The following NRG2 variants were observed in gnomAD, a reference collection of about 807,000 sequenced individuals.
NRG2 encodes the protein neuregulin 2.
Under a neutral mutation model 73.9 loss-of-function variants are expected in NRG2, and 27 were observed. That is an observed-to-expected ratio of 0.37 (90% CI 0.27 to 0.50). NRG2 has a LOEUF of 0.50. Among genes scored for constraint, NRG2 ranks in the 20% least tolerant of loss-of-function variants. The pLI, the probability that NRG2 is intolerant of heterozygous loss-of-function variation, is 0.96. For synonymous variants in NRG2, 532 were observed against 541.0 expected (o/e 0.98, Z 0.23); for missense variants, 1,126 against 1,210.1 (o/e 0.93, Z 1.03).
intron 1 of NRG2, among the ~76,000 whole-genome samples, chr5:139,937,359 T>A (rs1752924788): frequency 6.6e-6 from 1 of 152,198 alleles, no homozygotes; most frequent in Non-Finnish European, 1.5e-5. Context: ...TACAGCTATA[T>A]CATACTTAAC....
Position 139,851,858 on chromosome 5 carries a change from A to T in NRG2, c.1545-27T>A, listed in dbSNP as rs200989233. 2.5e-6 allele frequency: 4 copies of T among 1,608,916 alleles called. No individual in the cohort carries two copies. Among genetic ancestry groups the T allele is most frequent in the Admixed American group, 1.7e-5 (1 of 59,644 alleles). On this transcript the variant is annotated intron_variant, in intron 8 of 9. Transcript: ENST00000361474. This position sits in a 1 kb window ranked among gnomAD's most constrained non-coding sequence, Gnocchi z 4.2. ...TGGGAAGGCCAGATGGGGTGAGACG[A>T]GGGGTCAGGAAGGGGCAGGGCGGCC... is the stretch of plus-strand genomic sequence containing the variant.
intron 1 of NRG2, among the ~76,000 whole-genome samples, chr5:140,006,674 G>A (rs549479320): frequency 1.1e-4 from 17 of 152,310 alleles, no homozygotes; most frequent in Non-Finnish European, 1.9e-4. Flanking sequence ...TGGTGTGTGA[G>A]TATGGTGGAA....
intron 4 of NRG2, among the ~76,000 whole-genome samples, chr5:139,867,175 C>T (rs959193369): frequency 9.9e-5 from 15 of 152,206 alleles, no homozygotes; most frequent in African/African-American, 3.4e-4. Context: ...GTGACAGATA[C>T]TCATGAACAC....
At chr5:139,930,909 C>T (rs1752424338) in intron 1 of NRG2, among the ~76,000 whole-genome samples, 1 of 152,192 alleles carries the variant, frequency 6.6e-6, no homozygotes, top group Non-Finnish European at 1.5e-5. Flanking sequence ...GGGTCTGTTT[C>T]ACACGGTAAC....
intron 2 of NRG2, among the ~76,000 whole-genome samples, chr5:139,881,186 C>A (rs576022036): frequency 7.7e-4 from 117 of 152,302 alleles, no homozygotes; most frequent in African/African-American, 2.7e-3. Flanking sequence ...TAGGACAACA[C>A]AGGGCAGGAC....
chr5:139,954,052 G>C lies in NRG2; in HGVS notation c.701-66541C>G, dbSNP rs149665500. On this transcript the variant is annotated intron_variant, in intron 1 of 9. Transcript: ENST00000361474. The surrounding 1 kb of genome is among the most constrained non-coding windows in gnomAD (Gnocchi z 5.0). The stretch of plus-strand genomic sequence containing the variant: ...CCTGCTCACTGGGAGGCAAGGGGCA[G>C]GGTGTGGGGGTGGCTGGAAGCTGAA... Among the ~76,000 whole-genome samples, 264 of 152,274 alleles carry C rather than the reference G, an allele frequency of 1.7e-3. 1 individual carries two copies. Among genetic ancestry groups the C allele is most frequent in the African/African-American group, 6.1e-3 (254 of 41,550 alleles).
intron 3 of NRG2, among the ~76,000 whole-genome samples, chr5:139,874,095 C>A (rs138837395): frequency 8.3e-4 from 126 of 152,352 alleles, no homozygotes; most frequent in African/African-American, 2.7e-3. Flanking sequence ...GATACTGCAG[C>A]CCAACTCTGC....
intron 1 of NRG2, among the ~76,000 whole-genome samples, chr5:140,037,939 AAAACATTGTGTTTTTAGAG>A (rs1166395175): frequency 7.2e-6 from 1 of 139,614 alleles, no homozygotes; most frequent in Non-Finnish European, 1.5e-5. Context: ...ACTGCTTTGA[AAAACATTGTGTTTTTAGAG>A]AAACACACAC....
At chr5:139,925,419 G>A (rs1484490092) in intron 1 of NRG2, among the ~76,000 whole-genome samples, 1 of 152,196 alleles carries the variant, frequency 6.6e-6, no homozygotes, top group African/African-American at 2.4e-5. Flanking sequence ...ACACTGGTAA[G>A]AAACTGAGAT....
At chr5:139,944,006 G>T (rs1580787393) in intron 1 of NRG2, among the ~76,000 whole-genome samples, 1 of 151,780 alleles carries the variant, frequency 6.6e-6, no homozygotes, top group African/African-American at 2.4e-5. Flanking sequence ...ATTATTCTTT[G>T]TACTGAATTA....
At chr5:139,906,550 C>T (rs1765244685) in intron 1 of NRG2, among the ~76,000 whole-genome samples, 1 of 152,168 alleles carries the variant, frequency 6.6e-6, no homozygotes, top group Admixed American at 6.5e-5. Flanking sequence ...CCTTTTTGGC[C>T]TACCTGATCT....
Position 139,953,845 on chromosome 5 carries a change from C to T in NRG2, c.701-66334G>A, listed in dbSNP as rs547025635. 8.5e-5 allele frequency among the ~76,000 whole-genome samples: 13 copies of T among 152,258 alleles called. No homozygotes were observed. In the South Asian group the frequency reaches 2.1e-3, roughly 24 times the overall value. On this transcript the variant is annotated intron_variant, in intron 1 of 9. Coordinates refer to ENST00000361474, the MANE Select transcript of NRG2 (RefSeq NM_004883.3). ...CCTCAGAGCTCAGGTGATCCAAGCC[C>T]CCCATCTGACAATAGGGAGAAAATG...
chr5:139,851,507 C>T lies in NRG2; in HGVS notation c.1772+97G>A. ...CCATATGAAAAATGGAGATGAGGCT[C>T]TTTGGAGTGTTTCTGAGGGGCCCTA... On this transcript the variant is annotated intron_variant, in intron 9 of 9. Transcript: ENST00000361474. The surrounding 1 kb of genome is among the most constrained non-coding windows in gnomAD (Gnocchi z 4.2). 1 of 1,166,928 alleles carries T rather than the reference C, an allele frequency of 8.6e-7. No homozygotes were observed. The highest frequency in any genetic ancestry group is 2.4e-5 in the East Asian group (1 of 42,456). 72.3% of individuals were successfully genotyped at this position (1,166,928 alleles called of 1,614,324 possible).
chr5:139,981,477 T>C (rs1048738552), intron 1 of NRG2, among the ~76,000 whole-genome samples: 9 of 152,228 alleles, frequency 5.9e-5, no homozygotes, highest in Admixed American at 3.3e-4. Context: ...GTCCTGCCTC[T>C]GGAAGGCATT....
intron 1 of NRG2, among the ~76,000 whole-genome samples, chr5:139,937,593 G>C (rs1752940235): frequency 2.0e-5 from 3 of 152,164 alleles, no homozygotes; most frequent in Admixed American, 1.3e-4. Context: ...TAGTAAGTGA[G>C]TTTAGCAAGG....
In NRG2 at chr5:139,996,881, C is replaced by A. The variant is rs981745632; in HGVS notation, c.700+45489G>T. ...AGACGTGGTGGCTCACGCCTATAATCCCAGCACTCTGGGAAGCCGATGGGG... is the reference window on the plus strand; with the variant it reads ...AGACGTGGTGGCTCACGCCTATAATACCAGCACTCTGGGAAGCCGATGGGG... On this transcript the variant is annotated intron_variant, in intron 1 of 9. Coordinates refer to ENST00000361474, the MANE Select transcript of NRG2 (RefSeq NM_004883.3). Among the ~76,000 whole-genome samples the A allele has an allele frequency of 4.6e-5, 7 of 152,242 alleles. No individual in the cohort carries two copies. In the East Asian group the frequency reaches 1.4e-3, roughly 29 times the overall value.
At chr5:140,012,411 G>A (rs777577851) in intron 1 of NRG2, among the ~76,000 whole-genome samples, 1 of 152,146 alleles carries the variant, frequency 6.6e-6, no homozygotes, top group African/African-American at 2.4e-5. Flanking sequence ...AAGTAATCCT[G>A]TCTTAACTTT....
In NRG2 at chr5:139,853,702, TC is replaced by T. The variant is rs958186921; in HGVS notation, c.1293-676del. ...TTGATATTAAATCTAATCATGTCCC[TC>T]CCCTGTTTAAGACCCTTCATTGTGA... On this transcript the variant is annotated intron_variant, in intron 6 of 9. Coordinates refer to ENST00000361474, the MANE Select transcript of NRG2 (RefSeq NM_004883.3). The surrounding 1 kb of genome is among the most constrained non-coding windows in gnomAD (Gnocchi z 4.1). Among the ~76,000 whole-genome samples, 3 of 152,148 alleles carry T rather than the reference TC, an allele frequency of 2.0e-5. No individual in the cohort carries two copies. Among genetic ancestry groups the T allele is most frequent in the African/African-American group, 7.2e-5 (3 of 41,420 alleles).
chr5:140,035,367 G>GCATATTTTACAGTGTTTAT (rs1761433416), intron 1 of NRG2, among the ~76,000 whole-genome samples: 2 of 151,864 alleles, frequency 1.3e-5, no homozygotes, highest in Non-Finnish European at 2.9e-5. Flanking sequence ...CACTATGTTG[G>GCATATTTTACAGTGTTTAT]CATATTTTAC....
Sources: gnomAD v4.1 joint callset for allele counts (sites outside exome capture counted in the v4.1 genomes callset) on GRCh38, gnomAD v4.1.1 for gene constraint, Gnocchi (gnomAD v3.1) non-coding constraint, MANE v1.5 for transcripts, NCBI Gene and HGNC (gene_info 2026-07-23, HGNC 2026-07-21) for gene names.